The following HDX variants were observed in gnomAD, a reference collection of about 807,000 sequenced individuals.
The protein encoded by HDX is highly divergent homeobox, also known as chromosome X open reading frame 43.
A neutral mutation model predicts 45.2 loss-of-function variants in HDX; 19 were observed. That is an observed-to-expected ratio of 0.42 (90% CI 0.29 to 0.62). The LOEUF is 0.62. Ranked by LOEUF, HDX falls within the 20% of genes least tolerant of loss-of-function variation. The probability of loss-of-function intolerance (pLI) is 0.20; values close to 1 mark genes in which losing one functional copy is unlikely to be tolerated. For missense variants in HDX, 532 were observed against 493.9 expected (o/e 1.08, Z -0.73); for synonymous variants, 188 against 172.8 (o/e 1.09, Z -0.69).
At chrX:84,355,139 C>A (rs933221607) in intron 6 of HDX, among the ~76,000 whole-genome samples, 4 of 107,971 alleles carry the variant, frequency 3.7e-5, no homozygotes, top group African/African-American at 1.3e-4. Context: ...AGCCATGCTC[C>A]TTTGAAAATA....
intron 9 of HDX, among the ~76,000 whole-genome samples, chrX:84,328,200 A>G: frequency 1.1e-5 from 1 of 91,164 alleles, no homozygotes; most frequent in Non-Finnish European, 2.4e-5. Flanking sequence ...CTCTACCAAA[A>G]AAATATATAT....
chrX:84,366,713 A>G (rs1350392334), intron 5 of HDX, among the ~76,000 whole-genome samples: 1 of 111,563 alleles, frequency 9.0e-6, no homozygotes, highest in East Asian at 2.8e-4. Flanking sequence ...GACAAACTTG[A>G]CAAAAACAAG....
In HDX at chrX:84,392,749, C is replaced by A. The variant is rs538174333; in HGVS notation, c.1306-31137G>T. 1.4e-4 allele frequency among the ~76,000 whole-genome samples: 15 copies of A among 109,002 alleles called. 1 individual carries two copies. The highest frequency in any genetic ancestry group is 2.5e-4 in the Non-Finnish European group (13 of 52,328). The allele number at this position is 109,002 out of a possible 115,157, so 94.7% of individuals were successfully genotyped here. On this transcript the variant is annotated intron_variant, in intron 5 of 10. Coordinates refer to ENST00000373177, the MANE Select transcript of HDX (RefSeq NM_001177479.2). ...AGTGAATAGAAATTCTACTGACTTT[C>A]GTATCCTGATTTTTGTAGCTACTGA...
intron 10 of HDX, among the ~76,000 whole-genome samples, chrX:84,324,000 G>T (rs1030876645): frequency 8.9e-6 from 1 of 112,284 alleles, no homozygotes; most frequent in African/African-American, 3.2e-5. Context: ...TTCAAGAAAC[G>T]CAATTGATCT....
At chrX:84,330,705 A>G (rs1231283745) in intron 9 of HDX, among the ~76,000 whole-genome samples, 1 of 112,053 alleles carries the variant, frequency 8.9e-6, no homozygotes, top group Non-Finnish European at 1.9e-5. Context: ...TGCAAAAGTC[A>G]TGAAGCATCT....
chrX:84,498,867 C>T (rs1427595128), intron 1 of HDX, among the ~76,000 whole-genome samples: 2 of 102,543 alleles, frequency 2.0e-5, no homozygotes, highest in African/African-American at 7.2e-5. Flanking sequence ...ACACACACAT[C>T]TCAGATTCCA....
intron 4 of HDX, among the ~76,000 whole-genome samples, chrX:84,456,901 GAC>G (rs1427066971): frequency 1.8e-5 from 2 of 111,518 alleles, no homozygotes; most frequent in Non-Finnish European, 1.9e-5. Flanking sequence ...CGGGTAAAGA[GAC>G]AGATAGACTC....
At position 84,321,296 on chromosome X, in the gene HDX, A is replaced by C. The variant is rs1317094391; in HGVS notation, c.*593T>G. 3 of 111,073 alleles carry C rather than the reference A, an allele frequency of 2.7e-5. No individual in the cohort carries two copies. Among genetic ancestry groups the C allele is most frequent in the Non-Finnish European group, 5.7e-5 (3 of 52,538 alleles). The allele number at this position is 111,073 out of a possible 1,213,427, so 9.2% of individuals were successfully genotyped here. On this transcript the variant is annotated 3_prime_UTR_variant, in exon 11 of 11. Coordinates refer to ENST00000373177, the MANE Select transcript of HDX (RefSeq NM_001177479.2). ...CCCACACAAATATTTGGGTTAGATA[A>C]TAGAAGAACACCAGCAATTTACAAT...
chrX:84,468,155 C>T (rs981653225), intron 4 of HDX, among the ~76,000 whole-genome samples: 4 of 111,004 alleles, frequency 3.6e-5, no homozygotes, highest in Admixed American at 2.9e-4. Flanking sequence ...ATCATGAGCC[C>T]GACCAATTTA....
At chrX:84,493,147 T>C (rs946096831) in intron 1 of HDX, among the ~76,000 whole-genome samples, 1 of 111,487 alleles carries the variant, frequency 9.0e-6, no homozygotes, top group Non-Finnish European at 1.9e-5. Flanking sequence ...TCTCACCAAG[T>C]TTTTAGATAT....
At chrX:84,331,718 A>T (rs771218961) in intron 9 of HDX, among the ~76,000 whole-genome samples, 1 of 111,866 alleles carries the variant, frequency 8.9e-6, no homozygotes, top group Non-Finnish European at 1.9e-5. Flanking sequence ...CCATCATAAC[A>T]TCATAGTACA....
chrX:84,433,516 A>C (rs58457162), intron 5 of HDX, among the ~76,000 whole-genome samples: 1 of 110,833 alleles, frequency 9.0e-6, no homozygotes, highest in East Asian at 2.8e-4. Flanking sequence ...ATTAATTTAT[A>C]TGTTCTCTCC....
intron 5 of HDX, among the ~76,000 whole-genome samples, chrX:84,385,633 G>T (rs914778707): frequency 9.1e-6 from 1 of 110,297 alleles, no homozygotes; most frequent in Non-Finnish European, 1.9e-5. Context: ...ATGGGATTGT[G>T]TTCTTGATTC....
intron 3 of HDX, among the ~76,000 whole-genome samples, chrX:84,472,452 T>A (rs1280043747): frequency 9.0e-6 from 1 of 111,238 alleles, no homozygotes; most frequent in Non-Finnish European, 1.9e-5. Context: ...CCACTTTCTC[T>A]AATCAACAAC....
chrX:84,394,929 G>A (rs2038525024), intron 5 of HDX, among the ~76,000 whole-genome samples: 1 of 110,743 alleles, frequency 9.0e-6, no homozygotes, highest in South Asian at 3.8e-4. Flanking sequence ...GCATATAACT[G>A]GGTCACTTTT....
At chrX:84,460,805 C>T (rs1487244990) in intron 4 of HDX, among the ~76,000 whole-genome samples, 3 of 111,660 alleles carry the variant, frequency 2.7e-5, no homozygotes, top group Non-Finnish European at 5.7e-5. Context: ...AAACACTCTG[C>T]CAAAAAACTA....
intron 6 of HDX, among the ~76,000 whole-genome samples, chrX:84,357,535 G>C (rs920373364): frequency 8.9e-6 from 1 of 111,856 alleles, no homozygotes; most frequent in African/African-American, 3.2e-5. Context: ...ATACCAAGCT[G>C]ACCAAAGTTA....
intron 6 of HDX, among the ~76,000 whole-genome samples, chrX:84,349,125 A>C (rs1180513671): frequency 9.0e-6 from 1 of 110,686 alleles, no homozygotes; most frequent in African/African-American, 3.3e-5. Flanking sequence ...CTGCCTTGGT[A>C]ATGGTTCCCA....
At chrX:84,354,055 G>T (rs1483123722) in intron 6 of HDX, among the ~76,000 whole-genome samples, 1 of 111,081 alleles carries the variant, frequency 9.0e-6, no homozygotes, top group African/African-American at 3.3e-5. Flanking sequence ...AAAATATTTA[G>T]GTTTTTCAAC....
Sources: allele counts gnomAD v4.1 joint callset (sites outside exome capture counted in the v4.1 genomes callset), GRCh38; gene constraint gnomAD v4.1.1; transcripts MANE v1.5; gene names NCBI Gene and HGNC (gene_info 2026-07-23, HGNC 2026-07-21).